Variants in CLPSL1 observed in about 807,000 individuals in gnomAD.
The protein encoded by CLPSL1 is colipase-like protein 1.
In CLPSL1, 13 loss-of-function variants were observed where a neutral mutation model predicts 9.3. The ratio of observed to expected loss-of-function variants is 1.40; its 90% CI spans 0.91 to 2.22. The LOEUF (loss-of-function observed/expected upper bound fraction) is 2.22. Ranked by LOEUF, CLPSL1 falls within the 30% of genes most tolerant of loss-of-function variation. CLPSL1 has a pLI of 0.00. For missense variants in CLPSL1, 164 were observed against 146.6 expected (o/e 1.12, Z -0.61); for synonymous variants, 58 against 56.9 (o/e 1.02, Z -0.08).
chr6:35,784,057 TG>T (rs1768022238), intron 1 of CLPSL1, among the ~76,000 whole-genome samples: 1 of 152,042 alleles, frequency 6.6e-6, no homozygotes, highest in Admixed American at 6.6e-5. Context: ...GCTTTTTTTT[TG>T]TTTTTTGTTT....
At chr6:35,790,564 T>C (rs939322183), downstream of CLPSL1, among the ~76,000 whole-genome samples, 23 of 152,364 alleles carry the variant, frequency 1.5e-4, no homozygotes, top group African/African-American at 5.1e-4. Context: ...TTGCGGGTTA[T>C]GTACCATCTC....
chr6:35,784,417 A>G (rs1047056993), intron 1 of CLPSL1, among the ~76,000 whole-genome samples: 1 of 152,180 alleles, frequency 6.6e-6, no homozygotes, highest in East Asian at 1.9e-4. Flanking sequence ...TTAATGAGGC[A>G]TGTCCAACCC....
Position 35,787,008 on chromosome 6 carries a change from A to G in CLPSL1, c.110A>G (p.Glu37Gly), listed in dbSNP as rs1315783762. The change falls in exon 2 of 3, where the codon GAG (glutamate) becomes GGG (glycine). Residue 37 changes from glutamate to glycine, a missense_variant. Glu to Gly is a moderately conservative substitution (Grantham distance 98, BLOSUM62 -2). Coordinates refer to ENST00000373861, the MANE Select transcript of CLPSL1 (RefSeq NM_001010886.5). ...PTKYNLLELK[E>G]SCIRNQDCET... ...TGTCCCTCCCTGCAGGAGCTCAAGG[A>G]GTCTTGCATCCGGAACCAGGACTGC... 3.2e-6 allele frequency: 5 copies of G among 1,581,922 alleles called. No homozygotes were observed. The East Asian group carries it at 1.1e-4, about 36-fold the overall frequency.
At chr6:35,787,734 C>T in intron 2 of CLPSL1, 133 bp from the exon 3 acceptor site, 1 of 859,602 alleles carries the variant, frequency 1.2e-6, no homozygotes, top group Non-Finnish European at 1.8e-6. Context: ...CTCTGAGCAG[C>T]TGGCAAGCTA....
At chr6:35,782,218 C>T (rs10947569) in intron 1 of CLPSL1, among the ~76,000 whole-genome samples, 47,894 of 151,724 alleles carry the variant, frequency 0.32, 7,596 homozygotes, top group Middle Eastern at 0.37. Context: ...GGTCTGGGGG[C>T]GGAAATGTGC....
downstream of CLPSL1, among the ~76,000 whole-genome samples, chr6:35,789,111 A>G (rs1768143797): frequency 6.6e-6 from 1 of 152,270 alleles, no homozygotes; most frequent in African/African-American, 2.4e-5. Flanking sequence ...AGATAACCAG[A>G]CTTCCATTGT....
At chr6:35,790,642 C>A (rs1768168137), downstream of CLPSL1, among the ~76,000 whole-genome samples, 1 of 152,180 alleles carries the variant, frequency 6.6e-6, no homozygotes, top group Non-Finnish European at 1.5e-5. Context: ...ATGAATGGGC[C>A]CTTAGGAGAA....
chr6:35,788,057 C>T lies in CLPSL1; in HGVS notation c.*47C>T. On this transcript the variant is annotated 3_prime_UTR_variant, in exon 3 of 3. Coordinates refer to ENST00000373861, the MANE Select transcript of CLPSL1 (RefSeq NM_001010886.5). Reference sequence around the variant, plus strand: ...TCCTCCTCCTCCACCTGCTCTCCTCCCTACCCAGAGCTCTGTGTTCACCCT... The same window carrying T: ...TCCTCCTCCTCCACCTGCTCTCCTCTCTACCCAGAGCTCTGTGTTCACCCT... 6.9e-7 allele frequency: 1 copy of T among 1,440,450 alleles called. No homozygotes were observed. 89.2% of individuals were successfully genotyped at this position (1,440,450 alleles called of 1,614,324 possible).
At chr6:35,789,423 A>G (rs1415411904), downstream of CLPSL1, among the ~76,000 whole-genome samples, 1 of 152,272 alleles carries the variant, frequency 6.6e-6, no homozygotes, top group South Asian at 2.1e-4. Context: ...CTTATAGCAC[A>G]CACAAAAATA....
intron 1 of CLPSL1, among the ~76,000 whole-genome samples, chr6:35,785,399 G>A (rs570706354): frequency 2.6e-5 from 4 of 152,086 alleles, no homozygotes; most frequent in South Asian, 4.2e-4. Context: ...GGATGGTCTC[G>A]ATCTCCTGAC....
downstream of CLPSL1, among the ~76,000 whole-genome samples, chr6:35,789,622 G>A (rs893535417): frequency 1.3e-5 from 2 of 152,236 alleles, no homozygotes; most frequent in Non-Finnish European, 2.9e-5. Context: ...GACCGAGCAC[G>A]GTGGCTCATG....
downstream of CLPSL1, among the ~76,000 whole-genome samples, chr6:35,793,051 G>T (rs1484829983): frequency 1.3e-5 from 2 of 152,278 alleles, no homozygotes; most frequent in Non-Finnish European, 2.9e-5. Flanking sequence ...GTCCCTTGCA[G>T]CTAGAAGTAG....
chr6:35,785,067 G>A (rs1441548335), intron 1 of CLPSL1, among the ~76,000 whole-genome samples: 3 of 152,074 alleles, frequency 2.0e-5, no homozygotes, highest in African/African-American at 7.2e-5. Context: ...CACATGCGCA[G>A]TGTCCTCCTT....
At chr6:35,785,873 C>T (rs1768060857) in intron 1 of CLPSL1, among the ~76,000 whole-genome samples, 1 of 148,294 alleles carries the variant, frequency 6.7e-6, no homozygotes, top group African/African-American at 2.5e-5. Context: ...TTGCTTGAAC[C>T]TAGAGGTTGA....
intron 1 of CLPSL1, among the ~76,000 whole-genome samples, chr6:35,785,199 A>T: frequency 9.2e-6 from 1 of 108,782 alleles, no homozygotes; most frequent in Non-Finnish European, 1.8e-5. Context: ...TTTTTTTGAG[A>T]CAGAGTCTCG....
At chr6:35,785,781 C>T (rs2151060838) in intron 1 of CLPSL1, among the ~76,000 whole-genome samples, 1 of 151,862 alleles carries the variant, frequency 6.6e-6, no homozygotes, top group Admixed American at 6.6e-5. Context: ...CCTGTAACAT[C>T]TCTACAAAAA....
At chr6:35,782,154 C>T (rs1284649371) in intron 1 of CLPSL1, among the ~76,000 whole-genome samples, 1 of 152,100 alleles carries the variant, frequency 6.6e-6, no homozygotes, top group Non-Finnish European at 1.5e-5. Context: ...ACCGGCAAAG[C>T]AGGGGGGTCT....
At chr6:35,790,830 A>C (rs1467491463), downstream of CLPSL1, among the ~76,000 whole-genome samples, 1 of 152,244 alleles carries the variant, frequency 6.6e-6, no homozygotes, top group Non-Finnish European at 1.5e-5. Flanking sequence ...TTCAGAAAAG[A>C]GCCTATTCTC....
downstream of CLPSL1, among the ~76,000 whole-genome samples, chr6:35,790,220 A>T (rs149709662): frequency 6.6e-6 from 1 of 152,394 alleles, no homozygotes; most frequent in East Asian, 1.9e-4. Context: ...GGCATGAGCC[A>T]CTGTGCCCGG....
Sources: gnomAD v4.1 joint callset for allele counts (sites outside exome capture counted in the v4.1 genomes callset) on GRCh38, gnomAD v4.1.1 for gene constraint, MANE v1.5 for transcripts, NCBI Gene and HGNC (gene_info 2026-07-23, HGNC 2026-07-21) for gene names.